The following GPHN variants were observed in gnomAD, a reference collection of about 807,000 sequenced individuals.
GPHN encodes the protein gephyrin.
GPHN carries 17 observed loss-of-function variants against 95.5 expected under a neutral mutation model. The observed-to-expected ratio is 0.18, with a 90% CI of 0.12 to 0.27. The LOEUF is 0.27. GPHN is among the 10% of genes least tolerant of loss of function. The pLI is 1.00. For synonymous variants in GPHN, 320 were observed against 322.5 expected, an observed-to-expected ratio of 0.99 and a Z score of 0.08; for missense variants, 660 against 978.1, an observed-to-expected ratio of 0.67 and a Z score of 4.34.
At chr14:66,545,815 C>T (rs1394934466) in intron 1 of GPHN, among the ~76,000 whole-genome samples, 286 of 146,116 alleles carry the variant, frequency 2.0e-3, no homozygotes, top group African/African-American at 6.9e-3. Flanking sequence ...GGCGGCTGGG[C>T]GGAGGCTCCC....
intron 2 of GPHN, among the ~76,000 whole-genome samples, chr14:66,718,334 A>G (rs2070387647): frequency 6.6e-6 from 1 of 151,980 alleles, no homozygotes; most frequent in African/African-American, 2.4e-5. Context: ...CAGTTCTTAA[A>G]GGTGGCACGT....
intron 10 of GPHN, among the ~76,000 whole-genome samples, chr14:67,024,593 C>A (rs2153627223): frequency 6.6e-6 from 1 of 152,324 alleles, no homozygotes; most frequent in African/African-American, 2.4e-5. Flanking sequence ...AGATTAACAT[C>A]AGCAAAGGCA....
At chr14:66,709,536 G>C (rs2069414276) in intron 2 of GPHN, 3 of 377,320 alleles carry the variant, frequency 8.0e-6, no homozygotes. Context: ...CAGTGGGATG[G>C]AGTGGGAAGG....
chr14:67,454,871 C>CTT, the GPHN span, among the ~76,000 whole-genome samples: 2 of 139,556 alleles, frequency 1.4e-5, no homozygotes. Flanking sequence ...ATTCTTTCTC[C>CTT]TTTTTTTTTT....
intron 4 of GPHN, among the ~76,000 whole-genome samples, chr14:66,874,723 G>T (rs1025585380): frequency 4.6e-5 from 7 of 152,060 alleles, no homozygotes; most frequent in Non-Finnish European, 8.8e-5. Context: ...GAATGAAAAG[G>T]AATGAACAGA....
At chr14:66,552,394 A>G (rs908209316) in intron 1 of GPHN, among the ~76,000 whole-genome samples, 1 of 152,178 alleles carries the variant, frequency 6.6e-6, no homozygotes, top group Non-Finnish European at 1.5e-5. Flanking sequence ...AAACTTTTAT[A>G]TACGTTATAA....
chr14:67,016,254 TATAAA>T (rs1388540984), intron 9 of GPHN, among the ~76,000 whole-genome samples: 1 of 151,984 alleles, frequency 6.6e-6, no homozygotes, highest in Non-Finnish European at 1.5e-5. Flanking sequence ...TTTTTAAGTG[TATAAA>T]ATAAAATATA....
At chr14:66,577,842 T>C in intron 1 of GPHN, among the ~76,000 whole-genome samples, 1 of 152,062 alleles carries the variant, frequency 6.6e-6, no homozygotes, top group East Asian at 1.9e-4. Context: ...GTCAAGGTTA[T>C]ATATAATGCC....
chr14:67,614,941 G>C, the GPHN span: 2 of 151,612 alleles, frequency 1.3e-5, no homozygotes, highest in Non-Finnish European at 2.9e-5. Context: ...CACAATGGGA[G>C]CTCATAAATA....
intron 5 of GPHN, among the ~76,000 whole-genome samples, chr14:66,896,315 A>AT (rs2064846346): frequency 6.6e-6 from 1 of 152,150 alleles, no homozygotes; most frequent in South Asian, 2.1e-4. Flanking sequence ...AGATACTGTG[A>AT]TTATAGTTAA....
At chr14:66,914,026 C>T (rs2065796394) in intron 5 of GPHN, among the ~76,000 whole-genome samples, 2 of 151,730 alleles carry the variant, frequency 1.3e-5, no homozygotes, top group Non-Finnish European at 2.9e-5. Flanking sequence ...ATACATAAAT[C>T]TCTGATGTAA....
At chr14:67,198,395 T>C in the GPHN span, 1,881 of 1,398,328 alleles carry the variant, frequency 1.3e-3, 21 homozygotes, top group African/African-American at 0.018. Context: ...AAAAGGATGG[T>C]AGGAGAATTG....
chr14:67,199,042 A>G, the GPHN span: 1 of 738,178 alleles, frequency 1.4e-6, no homozygotes. Context: ...CAAGAAGAGG[A>G]TGGCAGGAGC....
the GPHN span, chr14:67,387,444 T>C: frequency 1.9e-6 from 3 of 1,608,220 alleles, no homozygotes; most frequent in Non-Finnish European, 2.5e-6. Context: ...TCCCTGGACA[T>C]TCCCTTTAAC....
At chr14:66,963,185 C>T (rs892957799) in intron 8 of GPHN, among the ~76,000 whole-genome samples, 10 of 151,950 alleles carry the variant, frequency 6.6e-5, no homozygotes, top group Admixed American at 5.9e-4. Flanking sequence ...GAGTTCCAGA[C>T]TCATATACCT....
At chr14:67,710,342 T>C in the GPHN span, among the ~76,000 whole-genome samples, 1 of 152,168 alleles carries the variant, frequency 6.6e-6, no homozygotes, top group Admixed American at 6.5e-5. Flanking sequence ...AGTTTTAATC[T>C]TTTTTTCCTA....
chr14:67,296,123 A>G, the GPHN span, among the ~76,000 whole-genome samples: 3 of 151,982 alleles, frequency 2.0e-5, no homozygotes, highest in Admixed American at 6.6e-5. Context: ...GAATGGTGAG[A>G]AGAAGGAAAA....
At chr14:67,183,856 C>T (rs1464235699), downstream of GPHN, among the ~76,000 whole-genome samples, 1 of 139,526 alleles carries the variant, frequency 7.2e-6, no homozygotes, top group Non-Finnish European at 1.6e-5. Context: ...TTCTGTTTTT[C>T]TTTTCTTTTT....
the GPHN span, among the ~76,000 whole-genome samples, chr14:67,506,679 G>C: frequency 6.6e-6 from 1 of 152,118 alleles, no homozygotes; most frequent in Non-Finnish European, 1.5e-5. Context: ...AGAATCCAAG[G>C]GTCCTTAGAA....
Sources: gnomAD v4.1 joint callset for allele counts (sites outside exome capture counted in the v4.1 genomes callset) on GRCh38, gnomAD v4.1.1 for gene constraint, MANE v1.5 for transcripts, NCBI Gene and HGNC (gene_info 2026-07-23, HGNC 2026-07-21) for gene names.